NECTIN3: variants seen among roughly 807,000 people sequenced by gnomAD.
The protein encoded by NECTIN3 is nectin cell adhesion molecule 3.
NECTIN3 carries 8 observed loss-of-function variants against 49.4 expected under a neutral mutation model. That is an observed-to-expected ratio of 0.16 (90% CI 0.10 to 0.29). The LOEUF (loss-of-function observed/expected upper bound fraction) is 0.29, where lower values mean the gene tolerates loss of function less well. NECTIN3 is among the 10% of genes least tolerant of loss of function. The pLI is 1.00. For synonymous variants in NECTIN3, 277 were observed against 241.1 expected (o/e 1.15, Z -1.38); for missense variants, 581 against 654.6 (o/e 0.89, Z 1.23).
At chr3:111,113,183 T>C (rs952537910) in intron 2 of NECTIN3, among the ~76,000 whole-genome samples, 5 of 152,170 alleles carry the variant, frequency 3.3e-5, no homozygotes, top group Non-Finnish European at 7.4e-5. Flanking sequence ...AGTGAGGCAG[T>C]GGTAGCCAGG....
intron 1 of NECTIN3, among the ~76,000 whole-genome samples, chr3:111,085,506 C>T (rs2031873800): frequency 6.6e-6 from 1 of 152,120 alleles, no homozygotes; most frequent in Non-Finnish European, 1.5e-5. Flanking sequence ...ATTCCTGAAA[C>T]CATTTTCCTG....
intron 1 of NECTIN3, among the ~76,000 whole-genome samples, chr3:111,096,798 G>A (rs1178010489): frequency 1.3e-5 from 2 of 152,198 alleles, no homozygotes; most frequent in Non-Finnish European, 2.9e-5. Flanking sequence ...TTGGGTTTAG[G>A]AACCTCCACC....
At chr3:111,174,120 G>T (rs906922819) in intron 7 of NECTIN3, among the ~76,000 whole-genome samples, 2 of 152,144 alleles carry the variant, frequency 1.3e-5, no homozygotes, top group African/African-American at 4.8e-5. Flanking sequence ...ATGTTCAAGT[G>T]AGTTCTCCCA....
chr3:111,098,307 A>C (rs146333221), intron 1 of NECTIN3, among the ~76,000 whole-genome samples: 27 of 152,308 alleles, frequency 1.8e-4, no homozygotes, highest in African/African-American at 6.5e-4. Context: ...TCTATAACAC[A>C]TTATCATAAA....
intron 1 of NECTIN3, among the ~76,000 whole-genome samples, chr3:111,095,239 A>G (rs1318379377): frequency 6.6e-6 from 1 of 152,156 alleles, no homozygotes; most frequent in Admixed American, 6.5e-5. Flanking sequence ...TTGAGGGAAA[A>G]ATCTTCATCT....
chr3:111,166,167 C>T (rs899953064), intron 7 of NECTIN3, among the ~76,000 whole-genome samples: 1 of 152,146 alleles, frequency 6.6e-6, no homozygotes, highest in African/African-American at 2.4e-5. Flanking sequence ...TCCACAGTCA[C>T]CAGAATGGGC....
Position 111,091,501 on chromosome 3 carries a change from C to A in NECTIN3, c.160+19324C>A, listed in dbSNP as rs539514130. On this transcript the variant is annotated intron_variant, in intron 1 of 5. Transcript: ENST00000485303. ...TCTCCTGACCTCATGATTCACCCGC[C>A]TCGGCCTCCAGAGTGTTGGGATTAT... Among the ~76,000 whole-genome samples the A allele has an allele frequency of 2.6e-5, 4 of 152,272 alleles. No individual in the cohort carries two copies. The South Asian group carries it at 8.3e-4, about 32-fold the overall frequency.
intron 7 of NECTIN3, among the ~76,000 whole-genome samples, chr3:111,176,847 CTCAGT>C (rs1333185520): frequency 6.6e-6 from 1 of 152,016 alleles, no homozygotes; most frequent in Non-Finnish European, 1.5e-5. Context: ...CTATTACACC[CTCAGT>C]AGGAAAAATA....
At position 111,137,313 on chromosome 3, in the gene NECTIN3, GTTTAC is replaced by G; in HGVS notation, c.*3101_*3105del. 1 of 971,240 alleles carries G rather than the reference GTTTAC, an allele frequency of 1.0e-6. No individual in the cohort carries two copies. Among genetic ancestry groups the G allele is most frequent in the Non-Finnish European group, 1.2e-6 (1 of 817,306 alleles). The allele number at this position is 971,240 out of a possible 1,614,324, so 60.2% of individuals were successfully genotyped here. A position where few individuals can be genotyped will look rare whatever the true frequency, so the allele number is the denominator to read the frequency against. On this transcript the variant is annotated 3_prime_UTR_variant, in exon 6 of 6. Transcript: ENST00000485303. The stretch of plus-strand genomic sequence containing the variant: ...GATTGTAGATTGAATTGTCTTTCCT[GTTTAC>G]TTGTTAATTAGAAAATGCATCCTTC...
Position 111,118,964 on chromosome 3 carries a change from G to T in NECTIN3, c.799+12G>T, listed in dbSNP as rs1415135810. 1.3e-6 allele frequency: 2 copies of T among 1,551,694 alleles called. No homozygotes were observed. The highest frequency in any genetic ancestry group is 1.8e-6 in the Non-Finnish European group (2 of 1,141,284). On this transcript the variant is annotated intron_variant, in intron 3 of 5. Coordinates refer to ENST00000485303, the MANE Select transcript of NECTIN3 (RefSeq NM_015480.3). ...ATTAGACATACAGTGTAAGTAAATG[G>T]TAACATTTACTTTTTAAATATTTGT... is the stretch of plus-strand genomic sequence containing the variant.
rs2034621264 is a variant in NECTIN3, at chr3:111,137,472, C to G, written c.*3257C>G. The G allele has an allele frequency of 3.1e-6, 3 of 967,422 alleles. No homozygotes were observed. The highest frequency in any genetic ancestry group is 3.7e-6 in the Non-Finnish European group (3 of 819,610). The allele number at this position is 967,422 out of a possible 1,614,324, so 59.9% of individuals were successfully genotyped here. A position where few individuals can be genotyped will look rare whatever the true frequency, so the allele number is the denominator to read the frequency against. On this transcript the variant is annotated 3_prime_UTR_variant, in exon 6 of 6. Coordinates refer to ENST00000485303, the MANE Select transcript of NECTIN3 (RefSeq NM_015480.3). ...TTTGTTTTGTTTTGTTTTGTTTTTT[C>G]TTTTTTAACCAACCTGTGTATTAGG...
At chr3:111,117,226 A>AG (rs1304705738) in intron 2 of NECTIN3, among the ~76,000 whole-genome samples, 1 of 152,128 alleles carries the variant, frequency 6.6e-6, no homozygotes, top group Non-Finnish European at 1.5e-5. Flanking sequence ...GTTGAGTCAA[A>AG]GAAAAAGTAC....
chr3:111,158,211 A>G (rs999645887), intron 7 of NECTIN3, among the ~76,000 whole-genome samples: 1 of 152,072 alleles, frequency 6.6e-6, no homozygotes, highest in African/African-American at 2.4e-5. Flanking sequence ...TTTAACCACA[A>G]TGAATATTAG....
At chr3:111,105,904 CTA>C (rs1253159727) in intron 1 of NECTIN3, among the ~76,000 whole-genome samples, 1 of 151,176 alleles carries the variant, frequency 6.6e-6, no homozygotes, top group Non-Finnish European at 1.5e-5. Flanking sequence ...GGTGTCGTCT[CTA>C]TTCTGTTTCA....
At chr3:111,097,563 G>T (rs1045657710) in intron 1 of NECTIN3, among the ~76,000 whole-genome samples, 3 of 152,162 alleles carry the variant, frequency 2.0e-5, no homozygotes, top group Admixed American at 1.3e-4. Context: ...CATGTTGTGG[G>T]AGGGACCTGG....
chr3:111,185,097 G>A (rs1046169748), intron 7 of NECTIN3, among the ~76,000 whole-genome samples: 2 of 152,168 alleles, frequency 1.3e-5, no homozygotes, highest in African/African-American at 4.8e-5. Flanking sequence ...GCCCAGCCTA[G>A]TATGCTGCCC....
chr3:111,129,928 G>A (rs2034319501), intron 5 of NECTIN3, among the ~76,000 whole-genome samples: 1 of 151,374 alleles, frequency 6.6e-6, no homozygotes, highest in Non-Finnish European at 1.5e-5. Flanking sequence ...AGGATTACAG[G>A]TGTGAGCCAC....
At chr3:111,081,361 C>A (rs1471134969) in intron 1 of NECTIN3, among the ~76,000 whole-genome samples, 1 of 152,206 alleles carries the variant, frequency 6.6e-6, no homozygotes, top group Non-Finnish European at 1.5e-5. Flanking sequence ...AAGGACTCTT[C>A]TAGGCTCCTT....
chr3:111,119,074 A>T (rs991145630), intron 3 of NECTIN3, 122 bp downstream of exon 3: 4 of 954,194 alleles, frequency 4.2e-6, no homozygotes, highest in South Asian at 1.9e-5. Flanking sequence ...GTTTGTTTTC[A>T]TGGAAATTTC....
Sources: allele counts gnomAD v4.1 joint callset (sites outside exome capture counted in the v4.1 genomes callset), GRCh38; gene constraint gnomAD v4.1.1; transcripts MANE v1.5; gene names NCBI Gene and HGNC (gene_info 2026-07-23, HGNC 2026-07-21).